The following ST6GALNAC3 variants were observed in gnomAD, a reference collection of about 807,000 sequenced individuals.
The protein encoded by ST6GALNAC3 is alpha-N-acetylgalactosaminide alpha-2,6-sialyltransferase 3.
A neutral mutation model predicts 32.7 loss-of-function variants in ST6GALNAC3; 25 were observed. The ratio of observed to expected loss-of-function variants is 0.76; its 90% CI spans 0.56 to 1.07. The LOEUF is 1.07. Ranked by LOEUF, ST6GALNAC3 falls within the 50% of genes least tolerant of loss-of-function variation. The probability of loss-of-function intolerance (pLI) is 0.00; values close to 1 mark genes in which losing one functional copy is unlikely to be tolerated. For missense variants in ST6GALNAC3, 355 were observed against 382.4 expected (o/e 0.93, Z 0.60); for synonymous variants, 129 against 133.1 (o/e 0.97, Z 0.21).
chr1:76,260,711 T>C (rs1658181027), intron 1 of ST6GALNAC3, among the ~76,000 whole-genome samples: 1 of 152,174 alleles, frequency 6.6e-6, no homozygotes, highest in Admixed American at 6.6e-5. Context: ...AAGGATATTT[T>C]AATTTTGTGA....
intron 1 of ST6GALNAC3, among the ~76,000 whole-genome samples, chr1:76,298,974 C>A (rs764636114): frequency 6.6e-6 from 1 of 152,008 alleles, no homozygotes; most frequent in Non-Finnish European, 1.5e-5. Context: ...GAACTGCTCA[C>A]CTATTTTACT....
intron 1 of ST6GALNAC3, among the ~76,000 whole-genome samples, chr1:76,210,209 G>T (rs1324049467): frequency 6.6e-6 from 1 of 152,138 alleles, no homozygotes; most frequent in Admixed American, 6.5e-5. Context: ...TTAGCTAATT[G>T]TCCTGATTAG....
intron 1 of ST6GALNAC3, among the ~76,000 whole-genome samples, chr1:76,090,957 T>A (rs1429909079): frequency 6.6e-6 from 1 of 152,200 alleles, no homozygotes; most frequent in African/African-American, 2.4e-5. Flanking sequence ...TTGCCACTGG[T>A]CATTGCCCTT....
intron 1 of ST6GALNAC3, among the ~76,000 whole-genome samples, chr1:76,142,268 A>G (rs1393522663): frequency 2.0e-5 from 3 of 152,224 alleles, no homozygotes; most frequent in Non-Finnish European, 1.5e-5. Flanking sequence ...GGTTTACAAC[A>G]TCAGCGGCTT....
intron 3 of ST6GALNAC3, among the ~76,000 whole-genome samples, chr1:76,490,171 G>T (rs908363264): frequency 5.2e-4 from 79 of 152,118 alleles, no homozygotes; most frequent in Non-Finnish European, 1.3e-4. Flanking sequence ...TGACCCTCTT[G>T]CATGTCCCCT....
At chr1:76,300,260 T>C (rs190944367) in intron 1 of ST6GALNAC3, among the ~76,000 whole-genome samples, 87 of 152,134 alleles carry the variant, frequency 5.7e-4, no homozygotes, top group African/African-American at 2.0e-3. Flanking sequence ...CTGTTTCAAT[T>C]ATGTAGACAG....
At chr1:76,114,864 AGCTGAGATT>A (rs1234798802) in intron 1 of ST6GALNAC3, among the ~76,000 whole-genome samples, 1 of 149,930 alleles carries the variant, frequency 6.7e-6, no homozygotes, top group Non-Finnish European at 1.5e-5. Flanking sequence ...GGTTGCAGTG[AGCTGAGATT>A]GCACCACCAA....
At chr1:76,420,413 A>C (rs1432369026) in intron 3 of ST6GALNAC3, among the ~76,000 whole-genome samples, 1 of 152,070 alleles carries the variant, frequency 6.6e-6, no homozygotes, top group Non-Finnish European at 1.5e-5. Flanking sequence ...AGAAGTCCTT[A>C]AGAATTCAAC....
At chr1:76,095,529 A>C (rs775017791) in intron 1 of ST6GALNAC3, among the ~76,000 whole-genome samples, 24 of 152,160 alleles carry the variant, frequency 1.6e-4, no homozygotes, top group Non-Finnish European at 3.2e-4. Flanking sequence ...GACTGTTCCC[A>C]AAGTGTGATC....
chr1:76,126,005 A>C (rs1370899115), intron 1 of ST6GALNAC3, among the ~76,000 whole-genome samples: 1 of 152,170 alleles, frequency 6.6e-6, no homozygotes, highest in Non-Finnish European at 1.5e-5. Flanking sequence ...TGGAGACAGC[A>C]AGGTCCCCTG....
chr1:76,290,202 C>T (rs889707298), intron 1 of ST6GALNAC3, among the ~76,000 whole-genome samples: 3 of 152,232 alleles, frequency 2.0e-5, no homozygotes. Context: ...CCCCTGTTAG[C>T]ACTGTGTGTG....
In ST6GALNAC3 at chr1:76,081,192, G is replaced by T. The variant is rs1146661; in HGVS notation, c.18+6308G>T. On this transcript the variant is annotated intron_variant, in intron 1 of 4. Transcript: ENST00000328299. ...GACTTCGTGTGGTTGTAAAGCAGGGGTGTTCAAACTTTTGGCTTCCTTGGG... is the reference window on the plus strand; with the variant it reads ...GACTTCGTGTGGTTGTAAAGCAGGGTTGTTCAAACTTTTGGCTTCCTTGGG... Among the ~76,000 whole-genome samples the T allele has an allele frequency of 4.0e-5, 6 of 151,484 alleles. No individual in the cohort carries two copies. The South Asian group carries it at 6.2e-4, about 16-fold the overall frequency.
chr1:76,483,518 G>T (rs1400637168), intron 3 of ST6GALNAC3, among the ~76,000 whole-genome samples: 1 of 152,156 alleles, frequency 6.6e-6, no homozygotes, highest in Non-Finnish European at 1.5e-5. Flanking sequence ...CTGCATAAGT[G>T]TCTTCTTTTG....
intron 1 of ST6GALNAC3, among the ~76,000 whole-genome samples, chr1:76,136,111 G>A (rs1359992288): frequency 6.6e-6 from 1 of 152,172 alleles, no homozygotes; most frequent in Non-Finnish European, 1.5e-5. Flanking sequence ...TAACACAGGT[G>A]CTTTATTTTA....
intron 1 of ST6GALNAC3, among the ~76,000 whole-genome samples, chr1:76,117,802 T>C (rs1648582014): frequency 6.6e-6 from 1 of 152,214 alleles, no homozygotes; most frequent in African/African-American, 2.4e-5. Flanking sequence ...CTGTGTGGAT[T>C]CAGACCTGTG....
chr1:76,082,166 T>C (rs1463832026), intron 1 of ST6GALNAC3, among the ~76,000 whole-genome samples: 1 of 152,234 alleles, frequency 6.6e-6, no homozygotes, highest in African/African-American at 2.4e-5. Flanking sequence ...CACACACTTA[T>C]GCCTGAGGGC....
At chr1:76,402,496 G>A (rs1036639424) in intron 2 of ST6GALNAC3, among the ~76,000 whole-genome samples, 1 of 151,986 alleles carries the variant, frequency 6.6e-6, no homozygotes, top group Non-Finnish European at 1.5e-5. Flanking sequence ...AGTACACTAC[G>A]CACCATGATC....
At chr1:76,628,281 A>C (rs1428770363) in intron 4 of ST6GALNAC3, among the ~76,000 whole-genome samples, 2 of 152,000 alleles carry the variant, frequency 1.3e-5, no homozygotes, top group African/African-American at 4.8e-5. Context: ...CAGATGAGCC[A>C]ATATCTTACT....
At chr1:76,278,223 C>CTTT (rs568694243) in intron 1 of ST6GALNAC3, among the ~76,000 whole-genome samples, 2 of 113,766 alleles carry the variant, frequency 1.8e-5, no homozygotes, top group African/African-American at 4.6e-5. Context: ...GCTAGGCATT[C>CTTT]TTTTTTTTTT....
Sources: allele counts gnomAD v4.1 joint callset (sites outside exome capture counted in the v4.1 genomes callset), GRCh38; gene constraint gnomAD v4.1.1; transcripts MANE v1.5; gene names NCBI Gene and HGNC (gene_info 2026-07-23, HGNC 2026-07-21).